TENM2: variants seen among roughly 807,000 people sequenced by gnomAD.
TENM2 encodes the protein teneurin-2.
TENM2 carries 52 observed loss-of-function variants against 245.2 expected under a neutral mutation model. That is an observed-to-expected ratio of 0.21 (90% CI 0.17 to 0.27). The LOEUF is 0.27. TENM2 is among the 10% of genes least tolerant of loss of function. TENM2 has a pLI of 1.00. For synonymous variants in TENM2, 1,363 were observed against 1,438.9 expected (o/e 0.95, Z 1.19); for missense variants, 3,046 against 3,666.8 (o/e 0.83, Z 4.37).
intron 2 of TENM2, among the ~76,000 whole-genome samples, chr5:167,422,725 G>A (rs900782942): frequency 6.6e-6 from 1 of 152,078 alleles, no homozygotes; most frequent in African/African-American, 2.4e-5. Flanking sequence ...ATCCCTTAAC[G>A]TAAGATACCT....
rs575092882 is a variant in TENM2 at position 167,304,721 on chromosome 5, T to G, written c.226+19658T>G. On this transcript the variant is annotated intron_variant, in intron 1 of 28. Transcript: ENST00000518659. ...GATAGTTTTGGATTTACATGACAGT[T>G]GCAAAAATATTATGGAGTATCCTGG... Among the ~76,000 whole-genome samples the G allele has an allele frequency of 2.0e-5, 3 of 152,280 alleles. No individual in the cohort carries two copies. In the South Asian group the frequency reaches 6.2e-4, roughly 32 times the overall value.
chr5:167,405,802 A>ACG (rs1179364107), intron 2 of TENM2, among the ~76,000 whole-genome samples: 1 of 148,650 alleles, frequency 6.7e-6, no homozygotes, highest in Non-Finnish European at 1.5e-5. Flanking sequence ...ACACACACGC[A>ACG]CACAGAGATG....
chr5:168,079,479 T>G (rs570574576), intron 7 of TENM2, among the ~76,000 whole-genome samples: 3 of 151,856 alleles, frequency 2.0e-5, no homozygotes, highest in Non-Finnish European at 2.9e-5. Flanking sequence ...TGAATAGGAG[T>G]GGTGAGAGAG....
At chr5:168,054,281 G>A (rs1215099004) in intron 6 of TENM2, among the ~76,000 whole-genome samples, 1 of 152,214 alleles carries the variant, frequency 6.6e-6, no homozygotes, top group East Asian at 1.9e-4. Flanking sequence ...TAGCCAGCCA[G>A]CAGCAGGGTG....
intron 2 of TENM2, among the ~76,000 whole-genome samples, chr5:167,425,989 A>G (rs1763792047): frequency 6.6e-6 from 1 of 152,138 alleles, no homozygotes; most frequent in African/African-American, 2.4e-5. Context: ...TTTTGTGAGT[A>G]AGGGTTTTTA....
At chr5:167,642,565 C>T (rs1359126888) in intron 2 of TENM2, among the ~76,000 whole-genome samples, 1 of 152,108 alleles carries the variant, frequency 6.6e-6, no homozygotes, top group African/African-American at 2.4e-5. Context: ...TAAACTGAAT[C>T]TATTGTGAGC....
chr5:168,039,978 A>T (rs1788041885), intron 5 of TENM2, among the ~76,000 whole-genome samples: 1 of 152,124 alleles, frequency 6.6e-6, no homozygotes, highest in African/African-American at 2.4e-5. Flanking sequence ...AAACACAGCA[A>T]TTGATTAATC....
chr5:167,361,588 C>A (rs967100392), intron 1 of TENM2, among the ~76,000 whole-genome samples: 1 of 152,170 alleles, frequency 6.6e-6, no homozygotes, highest in South Asian at 2.1e-4. Flanking sequence ...GCCTTAAGTT[C>A]TTTTTGTCAC....
At chr5:167,863,458 T>TACAC (rs35475369) in intron 2 of TENM2, among the ~76,000 whole-genome samples, 4,311 of 143,286 alleles carry the variant, frequency 0.03, 88 homozygotes, top group East Asian at 0.077. Context: ...CTACTAAAAA[T>TACAC]ACACACACAC....
At position 167,445,332 on chromosome 5, in the gene TENM2, T is replaced by TAGGGAGAGAGAGAGAGAGAGAGAGAG. The variant is rs71591182; in HGVS notation, c.502+69860_502+69861insGGGAGAGAGAGAGAGAGAGAGAGAGA. ...ATGATTATATATATATATATATATA[T>TAGGGAGAGAGAGAGAGAGAGAGAGAG]ATATAGAGAGAGAGAGAGAGAGAGA... On this transcript the variant is annotated intron_variant, in intron 2 of 28. Coordinates refer to ENST00000518659, the Ensembl canonical transcript of TENM2. 2.2e-4 allele frequency among the ~76,000 whole-genome samples: 17 copies of TAGGGAGAGAGAGAGAGAGAGAGAGAG among 77,054 alleles called. 1 individual carries two copies. The highest frequency in any genetic ancestry group is 1.1e-3 in the South Asian group (2 of 1,842). The allele number at this position is 77,054 out of a possible 152,430, so 50.6% of individuals were successfully genotyped here. A position where few individuals can be genotyped will look rare whatever the true frequency, so the allele number is the denominator to read the frequency against.
At chr5:168,154,848 C>T (rs1475050877) in intron 12 of TENM2, among the ~76,000 whole-genome samples, 1 of 152,176 alleles carries the variant, frequency 6.6e-6, no homozygotes, top group Non-Finnish European at 1.5e-5. Context: ...ATCCCCCATA[C>T]TTGCATCTAC....
chr5:167,929,007 A>T (rs1777993003), intron 3 of TENM2, among the ~76,000 whole-genome samples: 1 of 142,622 alleles, frequency 7.0e-6, no homozygotes, highest in Non-Finnish European at 1.5e-5. Context: ...AGAGAAAGAG[A>T]GAAAAAGAAA....
intron 2 of TENM2, among the ~76,000 whole-genome samples, chr5:167,707,848 C>T (rs745418472): frequency 4.6e-5 from 7 of 152,126 alleles, no homozygotes; most frequent in Non-Finnish European, 8.8e-5. Context: ...TAATAAAGGT[C>T]TTTAAGTAAC....
chr5:167,469,065 T>G (rs971779292), intron 2 of TENM2, among the ~76,000 whole-genome samples: 1 of 152,160 alleles, frequency 6.6e-6, no homozygotes, highest in Admixed American at 6.5e-5. Flanking sequence ...ATAGAAACTT[T>G]AAATGCTATC....
At chr5:167,163,476 TA>T in the TENM2 span, among the ~76,000 whole-genome samples, 1 of 152,154 alleles carries the variant, frequency 6.6e-6, no homozygotes, top group Non-Finnish European at 1.5e-5. Flanking sequence ...TTTAACAGAT[TA>T]AAAAATATAT....
chr5:167,628,636 G>A (rs141009545), intron 2 of TENM2, among the ~76,000 whole-genome samples: 2 of 152,174 alleles, frequency 1.3e-5, no homozygotes, highest in Non-Finnish European at 2.9e-5. Context: ...GTACAAGGTG[G>A]TATAGAGAAT....
chr5:168,144,511 C>A (rs1157472329), intron 12 of TENM2, among the ~76,000 whole-genome samples: 1 of 152,040 alleles, frequency 6.6e-6, no homozygotes, highest in African/African-American at 2.4e-5. Context: ...GACATGAACT[C>A]ATCATTTTTT....
intron 2 of TENM2, among the ~76,000 whole-genome samples, chr5:167,393,012 C>T (rs1761846831): frequency 6.6e-6 from 1 of 151,700 alleles, no homozygotes; most frequent in South Asian, 2.1e-4. Flanking sequence ...ATCCCAGCTA[C>T]TCGGGAGGCT....
intron 2 of TENM2, among the ~76,000 whole-genome samples, chr5:167,843,765 A>G (rs1769769185): frequency 6.6e-6 from 1 of 152,216 alleles, no homozygotes; most frequent in South Asian, 2.1e-4. Flanking sequence ...AATAATGATG[A>G]TAAAGGTTTA....
Sources: gnomAD v4.1 joint callset for allele counts (sites outside exome capture counted in the v4.1 genomes callset) on GRCh38, gnomAD v4.1.1 for gene constraint, MANE v1.5 for transcripts, NCBI Gene and HGNC (gene_info 2026-07-23, HGNC 2026-07-21) for gene names.